Variants in ARNT2 observed in about 807,000 individuals in gnomAD.
The protein encoded by ARNT2 is ARNT protein 2.
ARNT2 carries 36 observed loss-of-function variants against 91.7 expected under a neutral mutation model. The ratio of observed to expected loss-of-function variants is 0.39; its 90% CI spans 0.30 to 0.52. The LOEUF is 0.52. ARNT2 is among the 20% of genes least tolerant of loss of function. The probability of loss-of-function intolerance (pLI) is 0.72; values close to 1 mark genes in which losing one functional copy is unlikely to be tolerated. For synonymous variants in ARNT2, 365 were observed against 347.1 expected, an observed-to-expected ratio of 1.05 and a Z score of -0.57; for missense variants, 775 against 939.3, an observed-to-expected ratio of 0.83 and a Z score of 2.29.
chr15:80,479,856 G>T (rs1896859730), intron 5 of ARNT2, among the ~76,000 whole-genome samples: 1 of 152,138 alleles, frequency 6.6e-6, no homozygotes, highest in Non-Finnish European at 1.5e-5. Context: ...AAGATGTGAG[G>T]TCCACCTACC....
At chr15:80,484,077 C>A (rs1566984488) in intron 5 of ARNT2, among the ~76,000 whole-genome samples, 2 of 151,950 alleles carry the variant, frequency 1.3e-5, no homozygotes, top group South Asian at 4.2e-4. Context: ...AGCTTATTTT[C>A]TTTGGAATGC....
intron 5 of ARNT2, among the ~76,000 whole-genome samples, chr15:80,479,831 G>C (rs1403331800): frequency 6.6e-6 from 1 of 152,170 alleles, no homozygotes; most frequent in African/African-American, 2.4e-5. Flanking sequence ...CTGATGGCCA[G>C]GGAGACTCTG....
At chr15:80,522,109 G>A (rs1219962443) in intron 8 of ARNT2, among the ~76,000 whole-genome samples, 3 of 152,208 alleles carry the variant, frequency 2.0e-5, no homozygotes. Flanking sequence ...AATATAGTAA[G>A]CACCTTAATG....
chr15:80,509,166 G>T (rs1040405193), intron 6 of ARNT2, among the ~76,000 whole-genome samples: 5 of 152,336 alleles, frequency 3.3e-5, no homozygotes, highest in South Asian at 4.1e-4. Context: ...ACAAGGCCGG[G>T]TGTGGTGGCT....
chr15:80,440,423 C>G (rs1896170552), intron 1 of ARNT2, among the ~76,000 whole-genome samples: 2 of 152,172 alleles, frequency 1.3e-5, no homozygotes, highest in South Asian at 4.1e-4. Context: ...TTTATTTTTA[C>G]TCCTTTTACA....
chr15:80,426,357 G>A (rs17315707), intron 1 of ARNT2, among the ~76,000 whole-genome samples: 11,359 of 152,268 alleles, frequency 0.075, 564 homozygotes, highest in Non-Finnish European at 0.11. Context: ...CCACACCATG[G>A]TCCTGTTGGT....
chr15:80,512,400 A>G (rs12439920), intron 6 of ARNT2, among the ~76,000 whole-genome samples: 137,188 of 152,276 alleles, frequency 0.9, 62,051 homozygotes, highest in East Asian at 0.99. Context: ...AATCCTCTTC[A>G]CCACCTGCCT....
At chr15:80,453,589 A>G (rs1183959312) in intron 2 of ARNT2, among the ~76,000 whole-genome samples, 1 of 152,244 alleles carries the variant, frequency 6.6e-6, no homozygotes, top group Non-Finnish European at 1.5e-5. Flanking sequence ...ACCACAGCCT[A>G]AACACTTAAC....
intron 5 of ARNT2, among the ~76,000 whole-genome samples, chr15:80,495,357 G>A (rs1897112385): frequency 6.6e-6 from 1 of 152,224 alleles, no homozygotes; most frequent in Admixed American, 6.5e-5. Flanking sequence ...GACATGGCTG[G>A]ACACTCAGGT....
rs1893276430 is a variant in ARNT2 at position 80,591,328 on chromosome 15, A to G, written c.1919-240A>G. ...AGTCACCTGGCAGGTGACCTCAGGA[A>G]GAGCCATCCTCTCTGGCCAAGTACC... is the stretch of plus-strand genomic sequence containing the variant. On this transcript the variant is annotated intron_variant, in intron 17 of 18. Transcript: ENST00000303329. The surrounding 1 kb of genome is among the most constrained non-coding windows in gnomAD (Gnocchi z 5.1). Among the ~76,000 whole-genome samples the G allele has an allele frequency of 6.6e-6, 1 of 152,198 alleles. No homozygotes were observed. The highest frequency in any genetic ancestry group is 2.1e-4 in the South Asian group (1 of 4,828).
In ARNT2 at chr15:80,510,851, T is replaced by TA. The variant is rs1050751039; in HGVS notation, c.725+2598dup. 1.7e-4 allele frequency among the ~76,000 whole-genome samples: 26 copies of TA among 151,780 alleles called. 2 individuals carry two copies. Among genetic ancestry groups the TA allele is most frequent in the African/African-American group, 6.0e-4 (25 of 41,372 alleles). On this transcript the variant is annotated intron_variant, in intron 6 of 18. Transcript: ENST00000303329. ...CAAAAATAAATAAATAAATAAATAA[T>TA]AAAAATTTAAAAAGTCAAAAAATAA...
intron 8 of ARNT2, among the ~76,000 whole-genome samples, chr15:80,525,227 T>G (rs540279972): frequency 2.6e-4 from 39 of 152,294 alleles, no homozygotes; most frequent in Middle Eastern, 3.4e-3. Context: ...TTTGTTTGTT[T>G]TTATATTTAG....
At chr15:80,436,561 C>T (rs2141573855) in intron 1 of ARNT2, among the ~76,000 whole-genome samples, 1 of 152,230 alleles carries the variant, frequency 6.6e-6, no homozygotes, top group African/African-American at 2.4e-5. Flanking sequence ...CCCAGGACAC[C>T]CACATCCTCC....
chr15:80,548,705 C>T (rs1454043174), intron 8 of ARNT2, among the ~76,000 whole-genome samples: 1 of 151,946 alleles, frequency 6.6e-6, no homozygotes, highest in African/African-American at 2.4e-5. Flanking sequence ...ACACAAAGTA[C>T]AAGTATATAT....
intron 17 of ARNT2, among the ~76,000 whole-genome samples, chr15:80,588,217 C>T (rs146609933): frequency 1.2e-3 from 183 of 152,242 alleles, no homozygotes; most frequent in African/African-American, 4.1e-3. Flanking sequence ...CACTCACACC[C>T]CTCAGCACAG....
chr15:80,524,530 A>G (rs999460206), intron 8 of ARNT2, among the ~76,000 whole-genome samples: 2 of 152,222 alleles, frequency 1.3e-5, no homozygotes, highest in Non-Finnish European at 2.9e-5. Context: ...GGACATCTAC[A>G]TGATAAAATA....
At chr15:80,444,897 G>C (rs1402595274) in intron 1 of ARNT2, 1 of 151,006 alleles carries the variant, frequency 6.6e-6, no homozygotes, top group Non-Finnish European at 1.5e-5. Context: ...AATGCAAATG[G>C]TGTGTATGTA....
chr15:80,444,905 G>C (rs1896270718), intron 1 of ARNT2: 1 of 151,554 alleles, frequency 6.6e-6, no homozygotes, highest in Non-Finnish European at 1.5e-5. Context: ...TGGTGTGTAT[G>C]TATGTTGCTG....
In ARNT2 at chr15:80,590,298, A is replaced by C. The variant is rs146302693; in HGVS notation, c.1919-1270A>C. On this transcript the variant is annotated intron_variant, in intron 17 of 18. Transcript: ENST00000303329. ...CTGAATGATTTGAAACAAGAAAAAA[A>C]GCTTCTAAGATTTTTGATGTTCCTT... Among the ~76,000 whole-genome samples, 580 of 152,350 alleles carry C rather than the reference A, an allele frequency of 3.8e-3. 9 individuals carry two copies. The highest frequency in any genetic ancestry group is 0.025 in the Admixed American group (377 of 15,308).
Sources: gnomAD v4.1 joint callset for allele counts (sites outside exome capture counted in the v4.1 genomes callset) on GRCh38, gnomAD v4.1.1 for gene constraint, Gnocchi (gnomAD v3.1) non-coding constraint, MANE v1.5 for transcripts, NCBI Gene and HGNC (gene_info 2026-07-23, HGNC 2026-07-21) for gene names.